Variants in SREBF1 observed in about 807,000 individuals in gnomAD.
SREBF1 encodes the protein sterol regulatory element binding transcription factor 1, also known as sterol regulatory element-binding protein 1.
In SREBF1, 45 loss-of-function variants were observed where a neutral mutation model predicts 100.1. That is an observed-to-expected ratio of 0.45 (90% CI 0.35 to 0.58). SREBF1 has a LOEUF of 0.58. Among genes scored for constraint, SREBF1 ranks in the 20% least tolerant of loss-of-function variants. The pLI is 0.00. For synonymous variants in SREBF1, 657 were observed against 681.8 expected (o/e 0.96, Z 0.57); for missense variants, 1,324 against 1,539.4 (o/e 0.86, Z 2.34).
chr17:17,822,012 T>C (rs1051578553), intron 1 of SREBF1, among the ~76,000 whole-genome samples: 43 of 152,324 alleles, frequency 2.8e-4, no homozygotes, highest in Admixed American at 2.7e-3. Flanking sequence ...TAAGTTCTTA[T>C]AGAGTCAGAG....
rs2033750788 is a variant in SREBF1 at position 17,817,751 on chromosome 17, C to T, written c.1349G>A (p.Ser450Asn). The T allele has an allele frequency of 3.1e-6, 5 of 1,613,576 alleles. No homozygotes were observed. Among genetic ancestry groups the T allele is most frequent in the Non-Finnish European group, 4.2e-6 (5 of 1,180,016 alleles). Residue 450 changes from serine (S) to asparagine (N), a missense_variant, in exon 7 of 19, where the codon AGC becomes AAC. Transcript: ENST00000261646. The surrounding 1 kb of genome is among the most constrained non-coding windows in gnomAD (Gnocchi z 6.6). ...PLSLGSRGSG[S>N]GGSGSDSEPD... ...CTCCGAGTCACTGCCACTGCCACCG[C>T]TGCCACTGCCCCTGCTGCCAAGGGA... is the stretch of plus-strand genomic sequence containing the variant.
chr17:17,820,108 G>T lies in SREBF1; in HGVS notation c.505C>A (p.Pro169Thr), dbSNP rs1172225509. 1.9e-6 allele frequency: 3 copies of T among 1,612,054 alleles called. No individual in the cohort carries two copies. Among genetic ancestry groups the T allele is most frequent in the Non-Finnish European group, 2.5e-6 (3 of 1,179,662 alleles). The part of the protein sequence containing the change: ...STPVLGYPSP[P>T]GGFSTGSPPG... ...CCCTTACCTGTAGAGAAGCCTCCCG[G>T]AGGGCTGGGGTAGCCTAACACAGGG... is the stretch of plus-strand genomic sequence containing the variant. Residue 169 changes from proline (P) to threonine (T), a missense_variant, in exon 2 of 19, where the codon CCG (proline) becomes ACG (threonine). By Grantham distance (38) the Pro-to-Thr change is conservative. Coordinates refer to ENST00000261646, the MANE Select transcript of SREBF1 (RefSeq NM_004176.5).
In SREBF1 at chr17:17,814,296, C is replaced by T. The variant is rs775091521; in HGVS notation, c.2850G>A (p.Gly950=). ...TGGTAGCCAGGCTGTCCTGCAGGTA[C>T]CCACTGGCCTTCTCACAGATGGTCA... is the stretch of plus-strand genomic sequence containing the variant. ...ASLTICEKAS[G]YLQDSLATTP... is the part of the protein sequence containing the mutation. The change falls in exon 16 of 19, where the codon GGG becomes GGA. Residue 950 remains glycine, a synonymous_variant. Coordinates refer to ENST00000261646, the MANE Select transcript of SREBF1 (RefSeq NM_004176.5). 1.9e-6 allele frequency: 3 copies of T among 1,603,196 alleles called. No homozygotes were observed. In the South Asian group the frequency reaches 3.4e-5, roughly 18 times the overall value.
At chr17:17,819,931 C>T (rs913047666) in intron 2 of SREBF1, 159 bp downstream of exon 2, 17 of 1,136,258 alleles carry the variant, frequency 1.5e-5, no homozygotes, top group Non-Finnish European at 1.9e-5. Flanking sequence ...CGGCAACAAG[C>T]ACACCAGGAC....
rs965564906 is a variant in SREBF1, at chr17:17,812,464, G to C, written c.*158C>G. 1.7e-5 allele frequency: 13 copies of C among 761,434 alleles called. No homozygotes were observed. In the African/African-American group the frequency reaches 2.1e-4, roughly 12 times the overall value. The allele number at this position is 761,434 out of a possible 1,614,324, so 47.2% of individuals were successfully genotyped here. A position where few individuals can be genotyped will look rare whatever the true frequency, so the allele number is the denominator to read the frequency against. On this transcript the variant is annotated 3_prime_UTR_variant, in exon 19 of 19. Transcript: ENST00000261646. The stretch of plus-strand genomic sequence containing the variant: ...TCTTAGGGTCAAGATCGCGCCCCTC[G>C]GGCCTTCCACCGCGAAGGCACACAG...
chr17:17,836,777 G>A lies in SREBF1; in HGVS notation c.41C>T (p.Ala14Val). 2 of 1,566,094 alleles carry A rather than the reference G, an allele frequency of 1.3e-6. No homozygotes were observed. Among genetic ancestry groups the A allele is most frequent in the Non-Finnish European group, 1.7e-6 (2 of 1,163,976 alleles). The change falls in exon 1 of 19, where the codon GCG (alanine) becomes GTG (valine). Residue 14 changes from alanine (A) to valine (V), a missense_variant. Physicochemically the swap from Ala to Val is moderately conservative, Grantham distance 64 (BLOSUM62 0). Coordinates refer to ENST00000261646, the MANE Select transcript of SREBF1 (RefSeq NM_004176.5). ...GTCCAGATCGCACGGCTCGCCCAGCGCCTGCTCCAAAGCCGCCTCGCTGAA... is the reference window on the plus strand; with the variant it reads ...GTCCAGATCGCACGGCTCGCCCAGCACCTGCTCCAAAGCCGCCTCGCTGAA... ...PPFSEAALEQ[A>V]LGEPCDLDAA...
rs2035279309 is a variant in SREBF1, at chr17:17,836,894, C to T, written c.-77G>A. On this transcript the variant is annotated 5_prime_UTR_variant, in exon 1 of 19. Coordinates refer to ENST00000261646, the MANE Select transcript of SREBF1 (RefSeq NM_004176.5). ...CCTTCCTAGGGAGCGCCGCCGCGGCCCCGGCTCTCAGTCGCCGCCGCCGCT... is the reference window on the plus strand; with the variant it reads ...CCTTCCTAGGGAGCGCCGCCGCGGCTCCGGCTCTCAGTCGCCGCCGCCGCT... 18 of 1,346,438 alleles carry T rather than the reference C, an allele frequency of 1.3e-5. 1 individual carries two copies. The East Asian group carries it at 5.4e-4, about 40-fold the overall frequency. 83.4% of individuals were successfully genotyped at this position (1,346,438 alleles called of 1,614,324 possible).
intron 1 of SREBF1, among the ~76,000 whole-genome samples, chr17:17,827,754 A>G (rs2034578427): frequency 6.6e-6 from 1 of 152,122 alleles, no homozygotes; most frequent in Non-Finnish European, 1.5e-5. Flanking sequence ...CACAAACCCC[A>G]TTCTGCGGCC....
chr17:17,823,188 G>A (rs2034220335), intron 1 of SREBF1, among the ~76,000 whole-genome samples: 1 of 152,190 alleles, frequency 6.6e-6, no homozygotes. Context: ...GAGGGACAAC[G>A]GGCCCTCCTC....
chr17:17,813,704 C>A lies in SREBF1; in HGVS notation c.2967G>T (p.Gln989His). The change falls in exon 17 of 19, where the codon CAG becomes CAT. Residue 989 changes from glutamine to histidine, a missense_variant. Coordinates refer to ENST00000261646, the MANE Select transcript of SREBF1 (RefSeq NM_004176.5). ...VVRTSLWRQQ[Q>H]PPAPAPAAQG... ...GGGCTGCTGGGGCCGGGGCCGGGGG[C>A]TGCTGCTGCCGCCACAGGCTGGTGC... 1 of 1,537,394 alleles carries A rather than the reference C, an allele frequency of 6.5e-7. No individual in the cohort carries two copies. Among genetic ancestry groups the A allele is most frequent in the Non-Finnish European group, 8.7e-7 (1 of 1,147,782 alleles).
chr17:17,830,815 G>A (rs186383830), intron 1 of SREBF1, among the ~76,000 whole-genome samples: 11 of 152,222 alleles, frequency 7.2e-5, no homozygotes, highest in East Asian at 1.9e-4. Context: ...CCTCACCCCC[G>A]ACACACACAG....
At chr17:17,820,686 C>G (rs1286085922) in intron 1 of SREBF1, 165 bp from the exon 2 acceptor site, 2 of 768,358 alleles carry the variant, frequency 2.6e-6, no homozygotes, top group Non-Finnish European at 4.4e-6. Flanking sequence ...AGCTGGTGTT[C>G]CCGGACATAC....
At chr17:17,816,416 A>G (rs763903320) in intron 10 of SREBF1, 41 bp downstream of exon 10, 6 of 1,600,542 alleles carry the variant, frequency 3.7e-6, no homozygotes, top group Non-Finnish European at 8.5e-7. Flanking sequence ...GAGCACAGGC[A>G]GCAGGGAGCA....
rs2033428849 is a variant in SREBF1 at position 17,815,240 on chromosome 17, C to T, written c.2473G>A (p.Gly825Arg). ...NCVTQPNPSP[G>R]SADGDKEFSD... Reference sequence around the variant, plus strand: ...ACTTACTTGTCCCCATCAGCTGACCCAGGGCTGGGGTTGGGCTGGGTCACA... The same window carrying T: ...ACTTACTTGTCCCCATCAGCTGACCTAGGGCTGGGGTTGGGCTGGGTCACA... The change falls in exon 13 of 19, where the codon GGG becomes AGG. Residue 825 changes from glycine to arginine, a missense_variant. Coordinates refer to ENST00000261646, the MANE Select transcript of SREBF1 (RefSeq NM_004176.5). The T allele has an allele frequency of 6.2e-7, 1 of 1,613,670 alleles. No individual in the cohort carries two copies. The highest frequency in any genetic ancestry group is 8.5e-7 in the Non-Finnish European group (1 of 1,179,998).
chr17:17,813,710 C>G lies in SREBF1; in HGVS notation c.2961G>C (p.Gln987His), dbSNP rs2033209902. The change falls in exon 17 of 19, where the codon CAG (glutamine) becomes CAC (histidine). Residue 987 changes from glutamine (Q) to histidine (H), a missense_variant. Physicochemically the swap from Gln to His is conservative, Grantham distance 24. Transcript: ENST00000261646. ...LLVVRTSLWR[Q>H]QQPPAPAPAA... is the part of the protein sequence containing the mutation. ...CTGGGGCCGGGGCCGGGGGCTGCTG[C>G]TGCCGCCACAGGCTGGTGCGCACCA... The G allele has an allele frequency of 6.5e-7, 1 of 1,536,752 alleles. No individual in the cohort carries two copies. The highest frequency in any genetic ancestry group is 8.7e-7 in the Non-Finnish European group (1 of 1,147,510).
rs1372033881 is a variant in SREBF1 at position 17,812,655 on chromosome 17, G to A, written c.3411C>T (p.Arg1137=). Residue 1137 remains arginine (R), a synonymous_variant, in exon 19 of 19, where the codon CGC becomes CGT. Transcript: ENST00000261646. Reference sequence around the variant, plus strand: ...AAGTGACAGTGGTCCCACCGCCCAGGCGCATGAGCATCTGCTGACAGTCGT... The same window carrying A: ...AAGTGACAGTGGTCCCACCGCCCAGACGCATGAGCATCTGCTGACAGTCGT... ...LLHDCQQMLM[R]LGGGTTVTSS The A allele has an allele frequency of 2.5e-6, 4 of 1,608,374 alleles. No homozygotes were observed. Among genetic ancestry groups the A allele is most frequent in the East Asian group, 2.2e-5 (1 of 44,726 alleles).
In SREBF1 at chr17:17,836,891, G is replaced by A. The variant is rs1377118833; in HGVS notation, c.-74C>T. ...GGCCCTTCCTAGGGAGCGCCGCCGC[G>A]GCCCCGGCTCTCAGTCGCCGCCGCC... On this transcript the variant is annotated 5_prime_UTR_variant, in exon 1 of 19. Coordinates refer to ENST00000261646, the MANE Select transcript of SREBF1 (RefSeq NM_004176.5). 3 of 1,365,026 alleles carry A rather than the reference G, an allele frequency of 2.2e-6. No individual in the cohort carries two copies. The highest frequency in any genetic ancestry group is 1.5e-5 in the African/African-American group (1 of 65,110). The allele number at this position is 1,365,026 out of a possible 1,614,324, so 84.6% of individuals were successfully genotyped here.
At chr17:17,813,031 TGA>T (rs1300932474) in intron 18 of SREBF1, 180 bp from the exon 19 acceptor site, 3 of 619,196 alleles carry the variant, frequency 4.8e-6, no homozygotes, top group Non-Finnish European at 5.6e-6. Flanking sequence ...GTCCACAGAC[TGA>T]GTCACGCACG....
intron 1 of SREBF1, among the ~76,000 whole-genome samples, chr17:17,826,507 CCACA>C (rs777352503): frequency 6.6e-5 from 10 of 152,122 alleles, no homozygotes; most frequent in Non-Finnish European, 1.3e-4. Context: ...CTTGTGGTTC[CCACA>C]CACACTCTGA....
Sources: gnomAD v4.1 joint callset for allele counts (sites outside exome capture counted in the v4.1 genomes callset) on GRCh38, gnomAD v4.1.1 for gene constraint, Gnocchi (gnomAD v3.1) non-coding constraint, MANE v1.5 for transcripts, NCBI Gene and HGNC (gene_info 2026-07-23, HGNC 2026-07-21) for gene names.